Variants in PABIR2 observed in about 807,000 individuals in gnomAD.
PABIR2 encodes the protein PABIR family member 2.
Under a neutral mutation model 22.8 loss-of-function variants are expected in PABIR2, and 7 were observed. The ratio of observed to expected loss-of-function variants is 0.31; its 90% CI spans 0.17 to 0.58. The LOEUF (loss-of-function observed/expected upper bound fraction) is 0.58. Ranked by LOEUF, PABIR2 falls within the 20% of genes least tolerant of loss-of-function variation. PABIR2 has a pLI of 0.89. For synonymous variants in PABIR2, 67 were observed against 73.8 expected, an observed-to-expected ratio of 0.91 and a Z score of 0.47; for missense variants, 155 against 205.1, an observed-to-expected ratio of 0.76 and a Z score of 1.49.
intron 9 of PABIR2, among the ~76,000 whole-genome samples, chrX:134,772,561 G>A (rs1303098416): frequency 7.2e-5 from 8 of 111,064 alleles, no homozygotes; most frequent in African/African-American, 2.6e-4. Flanking sequence ...CATGGTTTTC[G>A]GGAGGGAGTT....
At chrX:134,777,068 CAA>C in intron 9 of PABIR2, among the ~76,000 whole-genome samples, 1 of 112,076 alleles carries the variant, frequency 8.9e-6, no homozygotes, top group South Asian at 3.6e-4. Context: ...GGTAAATAAA[CAA>C]AAAATTAGCC....
chrX:134,778,669 TTTAA>T (rs757376048), intron 9 of PABIR2, among the ~76,000 whole-genome samples: 18 of 111,549 alleles, frequency 1.6e-4, no homozygotes, highest in Non-Finnish European at 3.2e-4. Flanking sequence ...CAACTGGAAG[TTTAA>T]TTAATGACTT....
Position 134,793,877 on chromosome X carries a change from A to G in PABIR2, c.115T>C (p.Phe39Leu). 1 of 1,207,075 alleles carries G rather than the reference A, an allele frequency of 8.3e-7. No homozygotes were observed. The highest frequency in any genetic ancestry group is 1.1e-6 in the Non-Finnish European group (1 of 894,391). Residue 39 changes from phenylalanine to leucine, a missense_variant, in exon 2 of 10, where the codon TTC (phenylalanine) becomes CTC (leucine). Transcript: ENST00000343004. Reference protein sequence around the residue: ...IHGLSDLSQVFQPYTLRTRRN... With the variant: ...IHGLSDLSQVLQPYTLRTRRN... ...CGAGTTCTAAGTGTGTAAGGTTGGAAAACCTGTGAAAGGTCACTGAAAAAA... is the reference window on the plus strand; with the variant it reads ...CGAGTTCTAAGTGTGTAAGGTTGGAGAACCTGTGAAAGGTCACTGAAAAAA...
intron 7 of PABIR2, among the ~76,000 whole-genome samples, chrX:134,786,516 C>T (rs1036894626): frequency 4.5e-5 from 5 of 111,184 alleles, no homozygotes; most frequent in East Asian, 2.8e-4. Flanking sequence ...AAAACTCCGT[C>T]GCAAAAATAA....
chrX:134,771,400 T>C lies in PABIR2; in HGVS notation c.*739A>G. On this transcript the variant is annotated 3_prime_UTR_variant, in exon 10 of 10. Coordinates refer to ENST00000343004, the MANE Select transcript of PABIR2 (RefSeq NM_001387468.1). ...TTATATATTCCTTAGGGCAACAGGT[T>C]TGAGGAGAAATATATCAACTGTGGT... 1 of 1,134,802 alleles carries C rather than the reference T, an allele frequency of 8.8e-7. No individual in the cohort carries two copies. Among genetic ancestry groups the C allele is most frequent in the African/African-American group, 1.8e-5 (1 of 55,032 alleles). 93.5% of individuals were successfully genotyped at this position (1,134,802 alleles called of 1,213,427 possible).
Position 134,771,343 on chromosome X carries a change from T to C in PABIR2, c.*796A>G, listed in dbSNP as rs1389168674. The stretch of plus-strand genomic sequence containing the variant: ...GGTCAAGGCAGGAATTTCTTCTCCT[T>C]GATAACACCACCTAGAAATATCAAC... On this transcript the variant is annotated 3_prime_UTR_variant, in exon 10 of 10. Transcript: ENST00000343004. 2 of 1,151,564 alleles carry C rather than the reference T, an allele frequency of 1.7e-6. No individual in the cohort carries two copies. The highest frequency in any genetic ancestry group is 1.8e-5 in the African/African-American group (1 of 55,472). The allele number at this position is 1,151,564 out of a possible 1,213,427, so 94.9% of individuals were successfully genotyped here.
At chrX:134,794,863 C>G (rs750799876) in intron 1 of PABIR2, among the ~76,000 whole-genome samples, 2 of 111,854 alleles carry the variant, frequency 1.8e-5, no homozygotes, top group South Asian at 7.5e-4. Context: ...GTGATCATAG[C>G]TAGTTAGTGA....
intron 9 of PABIR2, among the ~76,000 whole-genome samples, chrX:134,780,496 T>C (rs1254807943): frequency 2.7e-5 from 3 of 111,644 alleles, no homozygotes; most frequent in Non-Finnish European, 5.6e-5. Flanking sequence ...GGAGAATCTC[T>C]TGAACCCGGG....
In PABIR2 at chrX:134,789,205, C is replaced by T. The variant is rs372860931; in HGVS notation, c.278+18G>A. On this transcript the variant is annotated intron_variant, in intron 4 of 9. Transcript: ENST00000343004. ...AAGACACTTATTAGGCTAGGCCCTGCTCTTGCAAAGCACTAACCTTTCATG... is the reference window on the plus strand; with the variant it reads ...AAGACACTTATTAGGCTAGGCCCTGTTCTTGCAAAGCACTAACCTTTCATG... 3 of 1,212,086 alleles carry T rather than the reference C, an allele frequency of 2.5e-6. No homozygotes were observed. The highest frequency in any genetic ancestry group is 2.2e-5 in the Admixed American group (1 of 46,069).
chrX:134,774,706 A>G (rs917461518), intron 9 of PABIR2, among the ~76,000 whole-genome samples: 2 of 111,969 alleles, frequency 1.8e-5, no homozygotes, highest in Non-Finnish European at 3.8e-5. Context: ...ATAAATATAT[A>G]TAATTTTGTT....
Position 134,769,683 on chromosome X carries a change from A to G in PABIR2, c.*2456T>C, listed in dbSNP as rs1268750224. The G allele has an allele frequency of 8.9e-6, 1 of 112,326 alleles. No individual in the cohort carries two copies. Among genetic ancestry groups the G allele is most frequent in the Non-Finnish European group, 1.9e-5 (1 of 53,212 alleles). 9.3% of individuals were successfully genotyped at this position (112,326 alleles called of 1,213,427 possible). ...GCAGTAATCATGAAACAGTGATTATATAAGTCAATCAAGCAAAAAACATTA... is the reference window on the plus strand; with the variant it reads ...GCAGTAATCATGAAACAGTGATTATGTAAGTCAATCAAGCAAAAAACATTA... On this transcript the variant is annotated 3_prime_UTR_variant, in exon 10 of 10. Transcript: ENST00000343004.
At chrX:134,786,297 A>G in intron 7 of PABIR2, among the ~76,000 whole-genome samples, 1 of 111,370 alleles carries the variant, frequency 9.0e-6, no homozygotes, top group South Asian at 3.8e-4. Flanking sequence ...TAAGCAGATC[A>G]TCTGAGGTCA....
At position 134,771,146 on chromosome X, in the gene PABIR2, C is replaced by T; in HGVS notation, c.*993G>A. 2.4e-6 allele frequency: 1 copy of T among 412,760 alleles called. No individual in the cohort carries two copies. Among genetic ancestry groups the T allele is most frequent in the Non-Finnish European group, 3.7e-6 (1 of 266,930 alleles). 34.0% of individuals were successfully genotyped at this position (412,760 alleles called of 1,213,427 possible). ...TATGTGGCAATCATTCACATAAGGCCCCTCTTCCACCATACCTTATGATAT... is the reference window on the plus strand; with the variant it reads ...TATGTGGCAATCATTCACATAAGGCTCCTCTTCCACCATACCTTATGATAT... On this transcript the variant is annotated 3_prime_UTR_variant, in exon 10 of 10. Coordinates refer to ENST00000343004, the MANE Select transcript of PABIR2 (RefSeq NM_001387468.1).
chrX:134,788,103 G>A (rs184684948), intron 6 of PABIR2, among the ~76,000 whole-genome samples: 15 of 97,480 alleles, frequency 1.5e-4, no homozygotes, highest in Non-Finnish European at 1.7e-4. Flanking sequence ...ATATATACAC[G>A]TTATATATGT....
chrX:134,792,238 T>C (rs866593892), intron 2 of PABIR2, among the ~76,000 whole-genome samples: 1 of 111,689 alleles, frequency 9.0e-6, no homozygotes, highest in East Asian at 2.8e-4. Context: ...GAAAAGATGA[T>C]AAGGATCAAC....
chrX:134,786,041 G>C, intron 7 of PABIR2, 91 bp from the exon 8 acceptor site: 1 of 815,541 alleles, frequency 1.2e-6, no homozygotes, highest in Non-Finnish European at 1.8e-6. Context: ...TAAATAAAAT[G>C]GACAATCTTA....
chrX:134,794,287 G>A (rs746827718), intron 1 of PABIR2, among the ~76,000 whole-genome samples: 5 of 111,602 alleles, frequency 4.5e-5, no homozygotes, highest in Admixed American at 9.5e-5. Context: ...GATGCGAAAA[G>A]GGGTGAGGAG....
At chrX:134,790,982 C>G (rs2079530990) in intron 2 of PABIR2, among the ~76,000 whole-genome samples, 1 of 112,023 alleles carries the variant, frequency 8.9e-6, no homozygotes, top group Non-Finnish European at 1.9e-5. Context: ...AGACGTGTCA[C>G]TTAGGGAAAC....
rs1184472173 is a variant in PABIR2, at chrX:134,796,465, CAGAA to C, written c.-264_-261del. Reference sequence around the variant, plus strand: ...ACGAAGAGGTAGTGGTGGAAGGTGACAGAATGAAGGAAAAGGATGAAGGAAAGAA... The same window carrying C: ...ACGAAGAGGTAGTGGTGGAAGGTGACTGAAGGAAAAGGATGAAGGAAAGAA... On this transcript the variant is annotated 5_prime_UTR_variant, in exon 1 of 10. Transcript: ENST00000343004. 3.3e-6 allele frequency: 1 copy of C among 306,299 alleles called. No homozygotes were observed. Among genetic ancestry groups the C allele is most frequent in the Non-Finnish European group, 5.7e-6 (1 of 175,664 alleles). 25.2% of individuals were successfully genotyped at this position (306,299 alleles called of 1,213,427 possible). A position where few individuals can be genotyped will look rare whatever the true frequency, so the allele number is the denominator to read the frequency against.
Sources: allele counts gnomAD v4.1 joint callset (sites outside exome capture counted in the v4.1 genomes callset), GRCh38; gene constraint gnomAD v4.1.1; transcripts MANE v1.5; gene names NCBI Gene and HGNC (gene_info 2026-07-23, HGNC 2026-07-21).